TBC1D2B: variants seen among roughly 807,000 people sequenced by gnomAD.
TBC1D2B encodes the protein TBC1 domain family member 2B, also known as TBC1 domain family, member 2B.
A neutral mutation model predicts 100.8 loss-of-function variants in TBC1D2B; 64 were observed. The observed-to-expected ratio is 0.64, with a 90% CI of 0.52 to 0.78. The LOEUF (loss-of-function observed/expected upper bound fraction) is 0.78, where lower values mean the gene tolerates loss of function less well. Ranked by LOEUF, TBC1D2B falls within the 30% of genes least tolerant of loss-of-function variation. The pLI, the probability that TBC1D2B is intolerant of heterozygous loss-of-function variation, is 0.00. For synonymous variants in TBC1D2B, 480 were observed against 479.7 expected, an observed-to-expected ratio of 1.00 and a Z score of -0.01; for missense variants, 1,052 against 1,218.4, an observed-to-expected ratio of 0.86 and a Z score of 2.03.
At chr15:78,010,625 T>C (rs531326339) in intron 9 of TBC1D2B, among the ~76,000 whole-genome samples, 1 of 151,714 alleles carries the variant, frequency 6.6e-6, no homozygotes, top group Non-Finnish European at 1.5e-5. Context: ...AGACACCAAA[T>C]TGAGAGACAG....
chr15:78,073,989 G>A (rs1596333715), intron 1 of TBC1D2B, among the ~76,000 whole-genome samples: 1 of 151,788 alleles, frequency 6.6e-6, no homozygotes, highest in South Asian at 2.1e-4. Context: ...AGGGAGCAGG[G>A]TTTTAGAGTC....
chr15:78,015,253 G>C (rs2072341430), intron 8 of TBC1D2B, among the ~76,000 whole-genome samples: 1 of 151,958 alleles, frequency 6.6e-6, no homozygotes, highest in South Asian at 2.1e-4. Context: ...AAATATTCCA[G>C]AAAAAAACTG....
At chr15:78,029,495 AT>A (rs1272265618) in intron 4 of TBC1D2B, among the ~76,000 whole-genome samples, 2 of 152,236 alleles carry the variant, frequency 1.3e-5, no homozygotes, top group South Asian at 2.1e-4. Flanking sequence ...TGTAGTTATA[AT>A]TTTTTTAAAG....
At chr15:78,044,161 T>C (rs1040786344) in intron 3 of TBC1D2B, among the ~76,000 whole-genome samples, 1 of 152,154 alleles carries the variant, frequency 6.6e-6, no homozygotes, top group African/African-American at 2.4e-5. Context: ...ATGAGTTTCT[T>C]TTTGGATCGA....
intron 6 of TBC1D2B, among the ~76,000 whole-genome samples, chr15:78,018,304 A>T (rs1443258362): frequency 6.6e-6 from 1 of 152,010 alleles, no homozygotes; most frequent in East Asian, 1.9e-4. Context: ...TGAGGTGGTT[A>T]AAAAAAAGCA....
chr15:78,075,280 G>A (rs1445994070), intron 1 of TBC1D2B, among the ~76,000 whole-genome samples: 2 of 151,816 alleles, frequency 1.3e-5, no homozygotes, highest in Non-Finnish European at 2.9e-5. Context: ...CTCACTGCAA[G>A]CTCTTCCTCC....
chr15:78,077,036 AG>A (rs2073839294), intron 1 of TBC1D2B, among the ~76,000 whole-genome samples: 1 of 152,218 alleles, frequency 6.6e-6, no homozygotes, highest in African/African-American at 2.4e-5. Context: ...GCCCGAGGTT[AG>A]GCGCAGAGGG....
At chr15:78,055,698 T>G (rs1351679930) in intron 1 of TBC1D2B, among the ~76,000 whole-genome samples, 3 of 152,194 alleles carry the variant, frequency 2.0e-5, no homozygotes, top group African/African-American at 7.2e-5. Context: ...TTTGGGTATT[T>G]TCATTACAGG....
rs149166813 is a variant in TBC1D2B, at chr15:78,056,024, A to G, written c.361-1837T>C. Among the ~76,000 whole-genome samples the G allele has an allele frequency of 3.5e-3, 528 of 152,348 alleles. 9 individuals carry two copies. Among genetic ancestry groups the G allele is most frequent in the Non-Finnish European group, 5.4e-3 (370 of 68,032 alleles). ...TGCCATAGGCAGGTTCAAAAGCTTC[A>G]AAGTATAGGTTTAATGTCTATCTTC... On this transcript the variant is annotated intron_variant, in intron 1 of 12. Coordinates refer to ENST00000300584, the MANE Select transcript of TBC1D2B (RefSeq NM_144572.2).
chr15:78,070,450 C>G (rs554833020), intron 1 of TBC1D2B, among the ~76,000 whole-genome samples: 5 of 152,334 alleles, frequency 3.3e-5, no homozygotes, highest in African/African-American at 1.2e-4. Flanking sequence ...TCTGTCCCCC[C>G]CACCTACTGA....
intron 2 of TBC1D2B, among the ~76,000 whole-genome samples, chr15:78,049,634 A>G (rs901364421): frequency 6.6e-6 from 1 of 151,846 alleles, no homozygotes; most frequent in Non-Finnish European, 1.5e-5. Context: ...ATTCACAGCC[A>G]CATCAATCCC....
At chr15:78,067,828 A>G (rs1390041347) in intron 1 of TBC1D2B, among the ~76,000 whole-genome samples, 1 of 152,282 alleles carries the variant, frequency 6.6e-6, no homozygotes, top group Non-Finnish European at 1.5e-5. Context: ...CCCAGCTTAC[A>G]GGGAACACAT....
intron 1 of TBC1D2B, among the ~76,000 whole-genome samples, chr15:78,057,206 G>A (rs1375510319): frequency 1.4e-5 from 2 of 143,472 alleles, no homozygotes; most frequent in Non-Finnish European, 2.9e-5. Context: ...CTAAATTCCT[G>A]AGGCAAAACT....
intron 3 of TBC1D2B, among the ~76,000 whole-genome samples, chr15:78,038,690 A>T (rs538576523): frequency 6.6e-6 from 1 of 152,150 alleles, no homozygotes; most frequent in East Asian, 1.9e-4. Flanking sequence ...CCCAACTCTA[A>T]ATACAACCGG....
chr15:78,007,291 C>T (rs1177984683), intron 10 of TBC1D2B, among the ~76,000 whole-genome samples: 1 of 152,314 alleles, frequency 6.6e-6, no homozygotes, highest in South Asian at 2.1e-4. Context: ...CTGAGTGAGA[C>T]AGAGGTTAAA....
chr15:78,026,150 TG>T (rs1271999513), intron 4 of TBC1D2B, among the ~76,000 whole-genome samples: 10 of 131,726 alleles, frequency 7.6e-5, no homozygotes, highest in South Asian at 2.4e-4. Context: ...TGGTTTTTGT[TG>T]TTTTTTTTTT....
At chr15:78,063,552 A>G (rs2073592747) in intron 1 of TBC1D2B, among the ~76,000 whole-genome samples, 2 of 152,220 alleles carry the variant, frequency 1.3e-5, no homozygotes, top group Admixed American at 1.3e-4. Flanking sequence ...TCCCCACATC[A>G]GTAGAGAAGG....
At chr15:78,019,360 G>A (rs1017986657) in intron 6 of TBC1D2B, among the ~76,000 whole-genome samples, 5 of 152,092 alleles carry the variant, frequency 3.3e-5, no homozygotes, top group African/African-American at 1.2e-4. Flanking sequence ...ATAGAAAGCT[G>A]CCCAGTTACT....
intron 5 of TBC1D2B, among the ~76,000 whole-genome samples, 166 bp downstream of exon 5, chr15:78,025,093 T>C (rs2072623991): frequency 6.6e-6 from 1 of 152,182 alleles, no homozygotes; most frequent in African/African-American, 2.4e-5. Flanking sequence ...GCACAGCAGC[T>C]GTGCCTAGAT....
Sources: allele counts gnomAD v4.1 joint callset (sites outside exome capture counted in the v4.1 genomes callset), GRCh38; gene constraint gnomAD v4.1.1; transcripts MANE v1.5; gene names NCBI Gene and HGNC (gene_info 2026-07-23, HGNC 2026-07-21).